The following SLC9B2 variants were observed in gnomAD, a reference collection of about 807,000 sequenced individuals.
SLC9B2 encodes solute carrier family 9 member B2.
A neutral mutation model predicts 52.2 loss-of-function variants in SLC9B2; 39 were observed. The observed-to-expected ratio is 0.75, with a 90% CI of 0.58 to 0.98. The LOEUF (loss-of-function observed/expected upper bound fraction) is 0.98, where lower values mean the gene tolerates loss of function less well. Ranked by LOEUF, SLC9B2 falls within the 50% of genes least tolerant of loss-of-function variation. The pLI, the probability that SLC9B2 is intolerant of heterozygous loss-of-function variation, is 0.00. For synonymous variants in SLC9B2, 214 were observed against 227.0 expected, an observed-to-expected ratio of 0.94 and a Z score of 0.51; for missense variants, 626 against 637.5, an observed-to-expected ratio of 0.98 and a Z score of 0.19.
In SLC9B2 at chr4:103,072,337, G is replaced by A. The variant is rs149436008; in HGVS notation, c.-43+3847C>T. 4.7e-3 allele frequency among the ~76,000 whole-genome samples: 708 copies of A among 152,238 alleles called. 9 individuals carry two copies. The highest frequency in any genetic ancestry group is 0.016 in the African/African-American group (654 of 41,534). On this transcript the variant is annotated intron_variant, in intron 1 of 11. Transcript: ENST00000394785. ...CTCCCAAAGTGCTGGGATTACAGGCGTGAGCCACCGCACCCAGCCCTGGTC... is the reference window on the plus strand; with the variant it reads ...CTCCCAAAGTGCTGGGATTACAGGCATGAGCCACCGCACCCAGCCCTGGTC...
Position 103,026,538 on chromosome 4 carries a change from T to C in SLC9B2, c.1446A>G (p.Gln482=), listed in dbSNP as rs1397024583. ...ACACATCCATTCCATAGTCTTCTAA[T>C]TGTTTCTCTCCATGTGACCTTGCTG... ...LDTARSHGEK[Q]LEDYGMDVLT... is the part of the protein sequence containing the mutation. Residue 482 remains glutamine (Q), a synonymous_variant, in exon 12 of 12, where the codon CAA becomes CAG. Coordinates refer to ENST00000394785, the MANE Select transcript of SLC9B2 (RefSeq NM_178833.7). 2 of 1,613,804 alleles carry C rather than the reference T, an allele frequency of 1.2e-6. No individual in the cohort carries two copies. Among genetic ancestry groups the C allele is most frequent in the Non-Finnish European group, 1.7e-6 (2 of 1,179,894 alleles).
intron 4 of SLC9B2, among the ~76,000 whole-genome samples, chr4:103,055,116 T>G (rs1745012826): frequency 6.6e-6 from 1 of 151,960 alleles, no homozygotes; most frequent in Non-Finnish European, 1.5e-5. Context: ...GAAACCATCG[T>G]TCTCAGCAAA....
rs762167950 is a variant in SLC9B2 at position 103,049,034 on chromosome 4, G to C, written c.586-14C>G. On this transcript the variant is annotated splice_polypyrimidine_tract_variant and intron_variant, in intron 5 of 11. Transcript: ENST00000394785. ...CTTCTTCAGGGCCTGAAATAGAAAA[G>C]TAGACATCCTAATATAATCCTCTGA... 6.2e-7 allele frequency: 1 copy of C among 1,612,026 alleles called. No individual in the cohort carries two copies. The highest frequency in any genetic ancestry group is 2.2e-5 in the East Asian group (1 of 44,776).
rs1181229054 is a variant in SLC9B2, at chr4:103,024,745, A to C, written c.*1625T>G. Among the ~76,000 whole-genome samples, 2 of 152,250 alleles carry C rather than the reference A, an allele frequency of 1.3e-5. No homozygotes were observed. The highest frequency in any genetic ancestry group is 2.9e-5 in the Non-Finnish European group (2 of 68,028). The stretch of plus-strand genomic sequence containing the variant: ...ACACAGATAACATGATAAAAACTGT[A>C]AACTGTATGTGAATGTGATTATTTC... On this transcript the variant is annotated 3_prime_UTR_variant, in exon 12 of 12. Transcript: ENST00000394785.
At chr4:103,028,162 A>G (rs1742392306) in intron 11 of SLC9B2, among the ~76,000 whole-genome samples, 1 of 152,192 alleles carries the variant, frequency 6.6e-6, no homozygotes, top group Admixed American at 6.6e-5. Flanking sequence ...ATTAGAATGC[A>G]CAAATTTTCG....
chr4:103,066,290 T>G, intron 3 of SLC9B2, 37 bp downstream of exon 3: 2 of 1,586,992 alleles, frequency 1.3e-6, no homozygotes, highest in Non-Finnish European at 1.7e-6. Flanking sequence ...TTATAACAAC[T>G]TCATCTTTTG....
intron 9 of SLC9B2, among the ~76,000 whole-genome samples, chr4:103,037,806 T>C (rs905822524): frequency 6.6e-6 from 1 of 152,124 alleles, no homozygotes; most frequent in African/African-American, 2.4e-5. Flanking sequence ...CTTCCACATA[T>C]CTTTAAATTT....
chr4:103,037,360 T>C (rs1237206920), intron 9 of SLC9B2, among the ~76,000 whole-genome samples: 1 of 152,212 alleles, frequency 6.6e-6, no homozygotes, highest in Non-Finnish European at 1.5e-5. Context: ...AAAATTGGTT[T>C]TGTTATTTGT....
At chr4:103,043,793 A>G (rs946866961) in intron 8 of SLC9B2, among the ~76,000 whole-genome samples, 11 of 152,242 alleles carry the variant, frequency 7.2e-5, no homozygotes, top group Admixed American at 5.9e-4. Context: ...TGTATGTAGT[A>G]GCCACATTAC....
intron 3 of SLC9B2, chr4:103,065,512 AAAAT>A (rs936660995): frequency 2.4e-4 from 36 of 152,310 alleles, no homozygotes; most frequent in African/African-American, 8.7e-4. Flanking sequence ...ATCAATGTAA[AAAAT>A]AAAATAAATT....
At chr4:103,032,087 T>G (rs1034567932) in intron 9 of SLC9B2, among the ~76,000 whole-genome samples, 2 of 152,172 alleles carry the variant, frequency 1.3e-5, no homozygotes, top group African/African-American at 4.8e-5. Context: ...CTCCTACTTC[T>G]GAATACATCG....
chr4:103,067,449 G>A lies in SLC9B2; in HGVS notation c.90+12C>T, dbSNP rs1360823133. 1 of 1,607,716 alleles carries A rather than the reference G, an allele frequency of 6.2e-7. No homozygotes were observed. Among genetic ancestry groups the A allele is most frequent in the East Asian group, 2.2e-5 (1 of 44,818 alleles). ...ATGAAGAAAACACAATTCTATCACA[G>A]CTTAGATTTACCTGTGCTTCTTGAT... On this transcript the variant is annotated intron_variant, in intron 2 of 11. Transcript: ENST00000394785.
At chr4:103,028,519 G>C (rs1337303713) in intron 11 of SLC9B2, among the ~76,000 whole-genome samples, 1 of 151,968 alleles carries the variant, frequency 6.6e-6, no homozygotes, top group Admixed American at 6.6e-5. Context: ...GGATTTACTG[G>C]ATTTTTACTT....
At chr4:103,074,947 A>G (rs1213070613) in intron 1 of SLC9B2, among the ~76,000 whole-genome samples, 2 of 152,234 alleles carry the variant, frequency 1.3e-5, no homozygotes, top group Non-Finnish European at 2.9e-5. Context: ...TCAACAAACA[A>G]GAGCTATTAA....
At chr4:103,046,736 T>G (rs139277123) in intron 7 of SLC9B2, among the ~76,000 whole-genome samples, 22 of 147,162 alleles carry the variant, frequency 1.5e-4, no homozygotes, top group African/African-American at 4.8e-4. Context: ...TTGTGTGAAG[T>G]CTCCACACAT....
chr4:103,026,325 T>C lies in SLC9B2; in HGVS notation c.*45A>G. The C allele has an allele frequency of 1.3e-6, 2 of 1,488,850 alleles. No homozygotes were observed. Among genetic ancestry groups the C allele is most frequent in the Non-Finnish European group, 1.8e-6 (2 of 1,101,264 alleles). 92.2% of individuals were successfully genotyped at this position (1,488,850 alleles called of 1,614,324 possible). A position where few individuals can be genotyped will look rare whatever the true frequency, so the allele number is the denominator to read the frequency against. On this transcript the variant is annotated 3_prime_UTR_variant, in exon 12 of 12. Transcript: ENST00000394785. ...ATTTCAATATGCATCTTGAAAAAAG[T>C]AGCAGCTTTCTAAACATTATGTTCA...
intron 9 of SLC9B2, among the ~76,000 whole-genome samples, chr4:103,032,674 C>CAT (rs1246889185): frequency 1.3e-5 from 2 of 152,162 alleles, no homozygotes; most frequent in African/African-American, 4.8e-5. Flanking sequence ...CAGGGTCCTA[C>CAT]AATTCATGCA....
intron 10 of SLC9B2, among the ~76,000 whole-genome samples, chr4:103,031,128 T>C (rs1560541351): frequency 6.6e-6 from 1 of 151,746 alleles, no homozygotes. Context: ...TCAGAAGGAG[T>C]AGCGGGAGAT....
intron 3 of SLC9B2, among the ~76,000 whole-genome samples, chr4:103,059,318 G>A (rs958931904): frequency 6.6e-6 from 1 of 152,128 alleles, no homozygotes; most frequent in Admixed American, 6.6e-5. Context: ...CTTCAAGATG[G>A]AAATTCTTGA....
Sources: allele counts gnomAD v4.1 joint callset (sites outside exome capture counted in the v4.1 genomes callset), GRCh38; gene constraint gnomAD v4.1.1; transcripts MANE v1.5; gene names NCBI Gene and HGNC (gene_info 2026-07-23, HGNC 2026-07-21).